Variants in ASH1L observed in about 807,000 individuals in gnomAD.
ASH1L encodes ASH1 like histone lysine methyltransferase.
A neutral mutation model predicts 269.0 loss-of-function variants in ASH1L; 23 were observed. That is an observed-to-expected ratio of 0.09 (90% CI 0.06 to 0.12). The LOEUF (loss-of-function observed/expected upper bound fraction) is 0.12, where lower values mean the gene tolerates loss of function less well. Ranked by LOEUF, ASH1L falls within the 10% of genes least tolerant of loss-of-function variation. ASH1L has a pLI of 1.00. For synonymous variants in ASH1L, 1,187 were observed against 1,253.5 expected, an observed-to-expected ratio of 0.95 and a Z score of 1.12; for missense variants, 2,912 against 3,567.8, an observed-to-expected ratio of 0.82 and a Z score of 4.68.
intron 7 of ASH1L, among the ~76,000 whole-genome samples, chr1:155,381,612 C>T (rs963603877): frequency 1.3e-5 from 2 of 152,138 alleles, no homozygotes; most frequent in Non-Finnish European, 2.9e-5. Flanking sequence ...TGGTTCATGC[C>T]TGTAATCCCA....
intron 13 of ASH1L, among the ~76,000 whole-genome samples, chr1:155,359,306 T>C (rs1160426530): frequency 6.6e-6 from 1 of 152,128 alleles, no homozygotes; most frequent in Non-Finnish European, 1.5e-5. Context: ...TTTTTTGAGC[T>C]GAAGTCTCGC....
At chr1:155,443,688 G>T (rs1465887044) in intron 4 of ASH1L, among the ~76,000 whole-genome samples, 2 of 152,150 alleles carry the variant, frequency 1.3e-5, no homozygotes, top group African/African-American at 4.8e-5. Flanking sequence ...TACATGAAAA[G>T]AAAGAATATG....
At position 155,350,862 on chromosome 1, in the gene ASH1L, A is replaced by C. The variant is rs1214773602; in HGVS notation, c.7367-1266T>G. 2.0e-5 allele frequency among the ~76,000 whole-genome samples: 3 copies of C among 150,262 alleles called. No individual in the cohort carries two copies. The East Asian group carries it at 5.9e-4, about 30-fold the overall frequency. On this transcript the variant is annotated intron_variant, in intron 17 of 27. Coordinates refer to ENST00000392403, the MANE Select transcript of ASH1L (RefSeq NM_018489.3). ...CTTGAAGCCGGGAGGCGGAGGTTGC[A>C]GTGAACAGAGATTGTGCCACTGCAC...
chr1:155,366,114 CA>C (rs1319486436), intron 12 of ASH1L, among the ~76,000 whole-genome samples: 2 of 152,054 alleles, frequency 1.3e-5, no homozygotes, highest in Admixed American at 1.3e-4. Context: ...AGGAGGTTGG[CA>C]CAAAATACAG....
chr1:155,425,193 C>T (rs183412680), intron 5 of ASH1L, among the ~76,000 whole-genome samples: 13 of 152,050 alleles, frequency 8.5e-5, no homozygotes, highest in South Asian at 2.1e-4. Context: ...GTCTCGAACT[C>T]GAACTCCTGA....
chr1:155,354,579 A>C lies in ASH1L; in HGVS notation c.7107T>G (p.Ile2369Met), dbSNP rs1264156573. 6.2e-7 allele frequency: 1 copy of C among 1,614,022 alleles called. No individual in the cohort carries two copies. Among genetic ancestry groups the C allele is most frequent in the Admixed American group, 1.7e-5 (1 of 59,950 alleles). The change falls in exon 16 of 28, where the codon ATT becomes ATG. Residue 2369 changes from isoleucine to methionine, a missense_variant. Physicochemically the swap from Ile to Met is conservative, Grantham distance 10. This residue lies in a region of ASH1L where 309 missense variants were observed against 435.1 expected (regional missense o/e 0.71). Coordinates refer to ENST00000392403, the MANE Select transcript of ASH1L (RefSeq NM_018489.3). ...GCTTTACTTCCTCCTGTTTTTGACG[A>C]ATCTTCTCCCAGTTTCGGACCAAGA... The part of the protein sequence containing the change: ...HVFLVRNWEK[I>M]RQKQEEVKHT...
intron 2 of ASH1L, among the ~76,000 whole-genome samples, chr1:155,486,054 T>G (rs1199072748): frequency 1.3e-5 from 2 of 152,218 alleles, no homozygotes; most frequent in East Asian, 3.9e-4. Flanking sequence ...AATCACAGAG[T>G]AAGTCTAATT....
At chr1:155,517,302 T>C (rs771452140) in intron 2 of ASH1L, among the ~76,000 whole-genome samples, 45 of 151,976 alleles carry the variant, frequency 3.0e-4, no homozygotes, top group Non-Finnish European at 5.7e-4. Flanking sequence ...GTGAGTAGCG[T>C]AGCCTGGATG....
rs376982700 is a variant in ASH1L at position 155,481,588 on chromosome 1, C to T, written c.1282G>A (p.Ala428Thr). 6.2e-7 allele frequency: 1 copy of T among 1,614,142 alleles called. No homozygotes were observed. The highest frequency in any genetic ancestry group is 1.1e-5 in the South Asian group (1 of 91,070). Residue 428 changes from alanine (A) to threonine (T), a missense_variant, in exon 3 of 28, where the codon GCA (alanine) becomes ACA (threonine). Ala to Thr is a moderately conservative substitution (Grantham distance 58, BLOSUM62 0). Transcript: ENST00000392403. Reference protein sequence around the residue: ...SKDAINLKAEALLPTQEPLKA... With the variant: ...SKDAINLKAETLLPTQEPLKA... ...AGCGGTTCCTGAGTGGGGAGCAGTGCTTCGGCTTTAAGGTTTATGGCATCT... is the reference window on the plus strand; with the variant it reads ...AGCGGTTCCTGAGTGGGGAGCAGTGTTTCGGCTTTAAGGTTTATGGCATCT...
At chr1:155,407,475 A>C (rs1436453807) in intron 6 of ASH1L, among the ~76,000 whole-genome samples, 1 of 152,208 alleles carries the variant, frequency 6.6e-6, no homozygotes, top group African/African-American at 2.4e-5. Context: ...CAATGTGTGG[A>C]TAAATTTATT....
chr1:155,549,185 C>A (rs999337635), intron 1 of ASH1L, among the ~76,000 whole-genome samples: 2 of 151,972 alleles, frequency 1.3e-5, no homozygotes, highest in African/African-American at 2.4e-5. Flanking sequence ...TCTACAAAAA[C>A]CAAAAAAATT....
chr1:155,546,320 G>C (rs1247834414), intron 1 of ASH1L, among the ~76,000 whole-genome samples: 1 of 150,358 alleles, frequency 6.7e-6, no homozygotes. Context: ...AACAAAGCGA[G>C]ACTCTGACTC....
chr1:155,446,068 G>C (rs1227839203), intron 4 of ASH1L, among the ~76,000 whole-genome samples: 1 of 139,194 alleles, frequency 7.2e-6, no homozygotes, highest in Non-Finnish European at 1.5e-5. Context: ...ATTTTTAGTA[G>C]AGACGGGGTT....
chr1:155,514,176 G>A (rs1173123879), intron 2 of ASH1L, among the ~76,000 whole-genome samples: 6 of 152,198 alleles, frequency 3.9e-5, no homozygotes, highest in Admixed American at 2.6e-4. Flanking sequence ...AGTGTCAGCT[G>A]GAAAATGTCA....
Position 155,382,076 on chromosome 1 carries a change from G to A in ASH1L, c.6104-1960C>T, listed in dbSNP as rs554738985. Among the ~76,000 whole-genome samples, 12 of 151,638 alleles carry A rather than the reference G, an allele frequency of 7.9e-5. No individual in the cohort carries two copies. The East Asian group carries it at 1.2e-3, about 15-fold the overall frequency. ...ACAAAAATTAGCTGGGTGTGGTGGCGCACACCTGTAGTCCCAGCTACTCAG... is the reference window on the plus strand; with the variant it reads ...ACAAAAATTAGCTGGGTGTGGTGGCACACACCTGTAGTCCCAGCTACTCAG... On this transcript the variant is annotated intron_variant, in intron 7 of 27. Transcript: ENST00000392403.
chr1:155,483,389 G>C (rs1449258522), intron 2 of ASH1L, among the ~76,000 whole-genome samples: 1 of 152,052 alleles, frequency 6.6e-6, no homozygotes, highest in African/African-American at 2.4e-5. Context: ...AGAATAGCTA[G>C]AAAAACCTAA....
intron 1 of ASH1L, among the ~76,000 whole-genome samples, chr1:155,561,187 A>C (rs1163841206): frequency 2.0e-5 from 3 of 152,166 alleles, no homozygotes; most frequent in African/African-American, 7.2e-5. Flanking sequence ...TCACAAAAAA[A>C]CTGAAAGAGC....
intron 16 of ASH1L, among the ~76,000 whole-genome samples, chr1:155,353,238 T>A (rs879716229): frequency 1.3e-5 from 2 of 152,246 alleles, no homozygotes; most frequent in Admixed American, 6.5e-5. Context: ...AGTACTTCCC[T>A]CATAAGGAAA....
chr1:155,452,277 G>A (rs1279352045), intron 4 of ASH1L, among the ~76,000 whole-genome samples: 1 of 152,038 alleles, frequency 6.6e-6, no homozygotes, highest in Non-Finnish European at 1.5e-5. Flanking sequence ...GACCTCAGGT[G>A]ATCTGCCCAC....
Sources: allele counts gnomAD v4.1 joint callset (sites outside exome capture counted in the v4.1 genomes callset), GRCh38; gene constraint gnomAD v4.1.1; regional missense constraint gnomAD v4.1.1; transcripts MANE v1.5; gene names NCBI Gene and HGNC (gene_info 2026-07-23, HGNC 2026-07-21).